ARMC6: variants seen among roughly 807,000 people sequenced by gnomAD.
ARMC6 encodes the protein armadillo repeat containing 6.
A neutral mutation model predicts 49.2 loss-of-function variants in ARMC6; 43 were observed. The observed-to-expected ratio is 0.87, with a 90% CI of 0.69 to 1.13. The LOEUF is 1.13. ARMC6 is among the 50% of genes most tolerant of loss of function. ARMC6 has a pLI of 0.00. For missense variants in ARMC6, 627 were observed against 682.0 expected (o/e 0.92, Z 0.90); for synonymous variants, 262 against 289.6 (o/e 0.90, Z 0.97).
At chr19:19,044,100 G>A in intron 4 of ARMC6, 26 bp downstream of exon 4, 5 of 1,602,566 alleles carry the variant, frequency 3.1e-6, no homozygotes, top group Non-Finnish European at 4.3e-6. Context: ...CCACACAGCA[G>A]GTCCTGCGTC....
At chr19:19,045,543 A>G (rs1162665516) in intron 4 of ARMC6, among the ~76,000 whole-genome samples, 1 of 117,704 alleles carries the variant, frequency 8.5e-6, no homozygotes, top group Non-Finnish European at 1.6e-5. Context: ...GCTGGAGTAC[A>G]CTGGCGCAGT....
chr19:19,051,824 C>T lies in ARMC6; in HGVS notation c.482C>T (p.Ala161Val). Residue 161 changes from alanine to valine, a missense_variant, in exon 5 of 9, where the codon GCC (alanine) becomes GTC (valine). Coordinates refer to ENST00000535612, the MANE Select transcript of ARMC6 (RefSeq NM_001199196.2). ...GGCCTTCTGCTCCAGTCCCTCAATG[C>T]CCTGTCGGTGCTGACTGATGGACAG... The part of the protein sequence containing the change: ...DQGLLLQSLN[A>V]LSVLTDGQPD... The T allele has an allele frequency of 1.9e-6, 3 of 1,614,058 alleles. 1 individual carries two copies. The highest frequency in any genetic ancestry group is 2.5e-6 in the Non-Finnish European group (3 of 1,179,988).
rs763291625 is a variant in ARMC6, at chr19:19,034,194, T to C, written c.-16T>C. The C allele has an allele frequency of 6.3e-6, 10 of 1,592,154 alleles. No individual in the cohort carries two copies. The East Asian group carries it at 2.0e-4, about 32-fold the overall frequency. Reference sequence around the variant, plus strand: ...TCCTAGGCAGTGGGGACAAGGAGGCTACAGGGTACAAATAAATGAGTGAAC... The same window carrying C: ...TCCTAGGCAGTGGGGACAAGGAGGCCACAGGGTACAAATAAATGAGTGAAC... On this transcript the variant is annotated 5_prime_UTR_variant, in exon 2 of 9. Coordinates refer to ENST00000535612, the MANE Select transcript of ARMC6 (RefSeq NM_001199196.2).
chr19:19,051,373 CTCTG>C (rs1300512907), intron 4 of ARMC6, among the ~76,000 whole-genome samples: 142 of 115,156 alleles, frequency 1.2e-3, no homozygotes, highest in African/African-American at 3.7e-3. Flanking sequence ...CTCTCTCTCT[CTCTG>C]TGTGTGTGTG....
chr19:19,040,931 A>G (rs1451632620), intron 2 of ARMC6: 1 of 216,166 alleles, frequency 4.6e-6, no homozygotes, highest in Non-Finnish European at 9.9e-6. Flanking sequence ...ACAAGACCCC[A>G]GCGTTACCTG....
At position 19,042,345 on chromosome 19, in the gene ARMC6, C is replaced by T. The variant is rs558237740; in HGVS notation, c.30-366C>T. On this transcript the variant is annotated intron_variant, in intron 2 of 8. Transcript: ENST00000535612. Reference sequence around the variant, plus strand: ...AATGTAGTAAACTCTGTGTTCTCTCCTACACTTTGTTTTTTTTTCCCAAGA... The same window carrying T: ...AATGTAGTAAACTCTGTGTTCTCTCTTACACTTTGTTTTTTTTTCCCAAGA... 1.6e-4 allele frequency among the ~76,000 whole-genome samples: 25 copies of T among 152,138 alleles called. No individual in the cohort carries two copies. The South Asian group carries it at 5.0e-3, about 30-fold the overall frequency.
intron 4 of ARMC6, among the ~76,000 whole-genome samples, chr19:19,046,148 G>A (rs1223238464): frequency 2.0e-5 from 3 of 152,002 alleles, no homozygotes; most frequent in African/African-American, 2.4e-5. Flanking sequence ...AGGAAACTCC[G>A]TGTTTGTTTA....
chr19:19,057,700 C>T lies in ARMC6; in HGVS notation c.*72C>T. Reference sequence around the variant, plus strand: ...AGGAATGGGGGTAGATCCATGTCCTCCACTGTCCCCCATTAGTTCTGTCCC... The same window carrying T: ...AGGAATGGGGGTAGATCCATGTCCTTCACTGTCCCCCATTAGTTCTGTCCC... On this transcript the variant is annotated 3_prime_UTR_variant, in exon 9 of 9. Transcript: ENST00000535612. The T allele has an allele frequency of 4.2e-6, 6 of 1,422,872 alleles. No homozygotes were observed. The highest frequency in any genetic ancestry group is 1.8e-4 in the Middle Eastern group (1 of 5,704). The allele number at this position is 1,422,872 out of a possible 1,614,324, so 88.1% of individuals were successfully genotyped here. A position where few individuals can be genotyped will look rare whatever the true frequency, so the allele number is the denominator to read the frequency against.
intron 6 of ARMC6, 22 bp downstream of exon 6, chr19:19,054,343 T>C (rs1363111113): frequency 4.6e-6 from 7 of 1,506,056 alleles, no homozygotes; most frequent in African/African-American, 1.4e-5. Context: ...CCCTGGCCCA[T>C]TGCGTGCTGT....
chr19:19,035,577 G>A (rs529965526), intron 2 of ARMC6, among the ~76,000 whole-genome samples: 2 of 152,252 alleles, frequency 1.3e-5, no homozygotes, highest in Admixed American at 6.5e-5. Context: ...TCAGGTCAGG[G>A]GTGGTCACAG....
intron 2 of ARMC6, chr19:19,040,745 T>C (rs1440143694): frequency 2.2e-6 from 1 of 449,404 alleles, no homozygotes; most frequent in Admixed American, 2.4e-5. Flanking sequence ...GCCTCTGTGC[T>C]CAAGTGGTTC....
intron 2 of ARMC6, among the ~76,000 whole-genome samples, chr19:19,041,342 C>T (rs2059410192): frequency 6.6e-6 from 1 of 151,922 alleles, no homozygotes; most frequent in Non-Finnish European, 1.5e-5. Context: ...TCAACTTTAT[C>T]GAGGTATAGG....
chr19:19,054,329 G>T lies in ARMC6; in HGVS notation c.1023+8G>T, dbSNP rs2145878262. On this transcript the variant is annotated splice_region_variant and intron_variant, in intron 6 of 8. Transcript: ENST00000535612. ...GACCAGAGCGGCGTTCAGGTATGAA[G>T]TCCCCCTGGCCCATTGCGTGCTGTC... 6.4e-7 allele frequency: 1 copy of T among 1,563,970 alleles called. No homozygotes were observed. Among genetic ancestry groups the T allele is most frequent in the East Asian group, 2.4e-5 (1 of 42,356 alleles).
chr19:19,050,560 T>G (rs916593598), intron 4 of ARMC6, among the ~76,000 whole-genome samples: 1 of 152,236 alleles, frequency 6.6e-6, no homozygotes, highest in Non-Finnish European at 1.5e-5. Context: ...TTAGTGACAT[T>G]GAGCATCTTT....
At chr19:19,044,560 C>T (rs1477024553) in intron 4 of ARMC6, among the ~76,000 whole-genome samples, 1 of 152,238 alleles carries the variant, frequency 6.6e-6, no homozygotes, top group Admixed American at 6.5e-5. Flanking sequence ...TGGCACTTAA[C>T]CTCTCCAGAG....
chr19:19,039,001 C>T (rs1157001130), intron 2 of ARMC6, among the ~76,000 whole-genome samples: 4 of 152,090 alleles, frequency 2.6e-5, no homozygotes, highest in South Asian at 2.1e-4. Flanking sequence ...GTGATCCCCC[C>T]GCCTTAGCCT....
chr19:19,057,316 G>C, intron 8 of ARMC6, 100 bp from the exon 9 acceptor site: 1 of 1,005,752 alleles, frequency 9.9e-7, no homozygotes. Flanking sequence ...GTCAGCTGTG[G>C]TTATGATCAC....
At chr19:19,045,575 C>T (rs1244380865) in intron 4 of ARMC6, among the ~76,000 whole-genome samples, 4 of 136,600 alleles carry the variant, frequency 2.9e-5, no homozygotes, top group Non-Finnish European at 6.1e-5. Flanking sequence ...GCAACCTCTG[C>T]CTCTTGGGTT....
Position 19,044,087 on chromosome 19 carries a change from A to G in ARMC6, c.279+13A>G, listed in dbSNP as rs2059430668. The G allele has an allele frequency of 2.5e-6, 4 of 1,612,288 alleles. No individual in the cohort carries two copies. The highest frequency in any genetic ancestry group is 3.4e-6 in the Non-Finnish European group (4 of 1,178,364). On this transcript the variant is annotated intron_variant, in intron 4 of 8. Transcript: ENST00000535612. ...TGACATCCTGCAGGTAGGAGTGGGCATCCCACACAGCAGGTCCTGCGTCAC... is the reference window on the plus strand; with the variant it reads ...TGACATCCTGCAGGTAGGAGTGGGCGTCCCACACAGCAGGTCCTGCGTCAC...
Sources: gnomAD v4.1 joint callset for allele counts (sites outside exome capture counted in the v4.1 genomes callset) on GRCh38, gnomAD v4.1.1 for gene constraint, MANE v1.5 for transcripts, NCBI Gene and HGNC (gene_info 2026-07-23, HGNC 2026-07-21) for gene names.